Variants in ICA1L observed in about 807,000 individuals in gnomAD.
The protein encoded by ICA1L is islet cell autoantigen 1-like protein.
A neutral mutation model predicts 61.3 loss-of-function variants in ICA1L; 50 were observed. That is an observed-to-expected ratio of 0.82 (90% CI 0.65 to 1.03). The LOEUF (loss-of-function observed/expected upper bound fraction) is 1.03, where lower values mean the gene tolerates loss of function less well. ICA1L is among the 50% of genes least tolerant of loss of function. ICA1L has a pLI of 0.00. For synonymous variants in ICA1L, 161 were observed against 191.3 expected (o/e 0.84, Z 1.31); for missense variants, 508 against 556.7 (o/e 0.91, Z 0.88).
intron 1 of ICA1L, among the ~76,000 whole-genome samples, chr2:202,857,250 A>G (rs911983732): frequency 6.6e-6 from 1 of 152,214 alleles, no homozygotes; most frequent in Non-Finnish European, 1.5e-5. Flanking sequence ...GTCTACAGTA[A>G]CCAAAACAGC....
At chr2:202,813,502 G>T (rs1693439384) in intron 8 of ICA1L, among the ~76,000 whole-genome samples, 1 of 152,012 alleles carries the variant, frequency 6.6e-6, no homozygotes, top group African/African-American at 2.4e-5. Context: ...TCTGCAGGTT[G>T]GGAAGTTCAA....
Position 202,779,248 on chromosome 2 carries a change from C to T in ICA1L, c.*285G>A. On this transcript the variant is annotated 3_prime_UTR_variant, in exon 13 of 13. Coordinates refer to ENST00000358299, the MANE Select transcript of ICA1L (RefSeq NM_001288622.3). ...GAATTATTCCTAGCCGTTATTTTGA[C>T]ATAAATTTCAGTATCTAAATATCGC... The T allele has an allele frequency of 3.3e-6, 1 of 301,902 alleles. No individual in the cohort carries two copies. The highest frequency in any genetic ancestry group is 6.0e-6 in the Non-Finnish European group (1 of 165,788). 18.7% of individuals were successfully genotyped at this position (301,902 alleles called of 1,614,324 possible).
chr2:202,813,925 C>T (rs1559135789), intron 8 of ICA1L, among the ~76,000 whole-genome samples: 1 of 152,164 alleles, frequency 6.6e-6, no homozygotes. Context: ...TTTCTTCTCT[C>T]TAGCTACCCA....
chr2:202,816,209 G>T (rs750779025), intron 6 of ICA1L, among the ~76,000 whole-genome samples, 200 bp from the exon 7 acceptor site: 26 of 152,304 alleles, frequency 1.7e-4, no homozygotes, highest in African/African-American at 6.3e-4. Context: ...GTGTCTGCAC[G>T]TGTGGGAGTT....
At chr2:202,786,676 C>G in intron 11 of ICA1L, 1 of 452,542 alleles carries the variant, frequency 2.2e-6, no homozygotes. Context: ...ATGCTCATAC[C>G]CTTGGACTCA....
chr2:202,848,482 A>C (rs1291538428), intron 1 of ICA1L, among the ~76,000 whole-genome samples: 1 of 152,204 alleles, frequency 6.6e-6, no homozygotes. Context: ...ATCTGAGCTG[A>C]CTGGCAAACT....
At chr2:202,781,611 C>T (rs1278409109) in intron 12 of ICA1L, among the ~76,000 whole-genome samples, 2 of 151,866 alleles carry the variant, frequency 1.3e-5, no homozygotes, top group Non-Finnish European at 2.9e-5. Context: ...CTGAAGCTCC[C>T]CTCATGCCTG....
intron 1 of ICA1L, among the ~76,000 whole-genome samples, chr2:202,852,610 C>T (rs1195490559): frequency 7.4e-6 from 1 of 135,676 alleles, no homozygotes; most frequent in Non-Finnish European, 1.5e-5. Context: ...GCAGAGCTTG[C>T]AGTGAGCCGA....
chr2:202,800,353 A>G (rs1693057546), intron 9 of ICA1L, among the ~76,000 whole-genome samples: 1 of 152,182 alleles, frequency 6.6e-6, no homozygotes, highest in Non-Finnish European at 1.5e-5. Context: ...GTGTTTTTAA[A>G]TGTTTTAAAC....
chr2:202,824,172 G>A (rs1275448222), intron 3 of ICA1L, among the ~76,000 whole-genome samples: 1 of 152,160 alleles, frequency 6.6e-6, no homozygotes, highest in African/African-American at 2.4e-5. Context: ...GGAGGCTGAG[G>A]TGGGTGGATC....
chr2:202,839,555 A>AGTGTGTGTGTGTGT (rs1694257699), intron 1 of ICA1L, among the ~76,000 whole-genome samples: 1 of 73,786 alleles, frequency 1.4e-5, no homozygotes, highest in African/African-American at 7.6e-5. Flanking sequence ...CATACAGTTA[A>AGTGTGTGTGTGTGT]GTCTGTGTGT....
In ICA1L at chr2:202,825,695, C is replaced by T. The variant is rs1219184655; in HGVS notation, c.235G>A (p.Val79Ile). 4.8e-6 allele frequency: 7 copies of T among 1,470,598 alleles called. No individual in the cohort carries two copies. Among genetic ancestry groups the T allele is most frequent in the Non-Finnish European group, 6.6e-6 (7 of 1,055,996 alleles). 91.1% of individuals were successfully genotyped at this position (1,470,598 alleles called of 1,614,324 possible). A position where few individuals can be genotyped will look rare whatever the true frequency, so the allele number is the denominator to read the frequency against. Reference protein sequence around the residue: ...IIEKYQLRLNVISEEENELGL... With the variant: ...IIEKYQLRLNIISEEENELGL... ...CAGATAGATAACTATGATTTCATAC[C>T]ATTGAGTCTTAGCTGGTATTTCTCG... The change falls in exon 3 of 13, where the codon GTT becomes ATT. Residue 79 changes from valine (V) to isoleucine (I), a missense_variant and splice_region_variant. Val to Ile is a conservative substitution (Grantham distance 29). Transcript: ENST00000358299.
intron 1 of ICA1L, among the ~76,000 whole-genome samples, chr2:202,845,719 T>G: frequency 6.6e-6 from 1 of 152,124 alleles, no homozygotes; most frequent in South Asian, 2.1e-4. Context: ...AAATCTTAAG[T>G]AAAATAAAAC....
chr2:202,778,101 C>CCAT lies in ICA1L; in HGVS notation c.*1429_*1431dup, dbSNP rs1328816331. ...TTCACCATGTTAGCCAGGATGGTCTCCATCTCCTGACCTCGTGATCCGCCT... is the reference window on the plus strand; with the variant it reads ...TTCACCATGTTAGCCAGGATGGTCTCCATCATCTCCTGACCTCGTGATCCGCCT... On this transcript the variant is annotated 3_prime_UTR_variant, in exon 13 of 13. Coordinates refer to ENST00000358299, the MANE Select transcript of ICA1L (RefSeq NM_001288622.3). 6.6e-6 allele frequency: 1 copy of CCAT among 151,918 alleles called. No individual in the cohort carries two copies. Among genetic ancestry groups the CCAT allele is most frequent in the African/African-American group, 2.4e-5 (1 of 41,316 alleles). The allele number at this position is 151,918 out of a possible 1,614,324, so 9.4% of individuals were successfully genotyped here. A position where few individuals can be genotyped will look rare whatever the true frequency, so the allele number is the denominator to read the frequency against.
intron 9 of ICA1L, among the ~76,000 whole-genome samples, chr2:202,799,688 CT>C (rs1057071731): frequency 1.3e-5 from 2 of 151,920 alleles, no homozygotes; most frequent in Non-Finnish European, 2.9e-5. Context: ...AATTTTTTGC[CT>C]AGAAAAACAT....
chr2:202,795,854 C>A (rs1004265311), intron 10 of ICA1L, among the ~76,000 whole-genome samples: 1 of 151,784 alleles, frequency 6.6e-6, no homozygotes, highest in African/African-American at 2.4e-5. Context: ...GCCAGCCTGG[C>A]CACATGATGA....
chr2:202,848,773 A>G (rs1244454957), intron 1 of ICA1L, among the ~76,000 whole-genome samples: 3 of 152,202 alleles, frequency 2.0e-5, no homozygotes, highest in African/African-American at 7.2e-5. Flanking sequence ...GCACCGCATA[A>G]TGACATTTTA....
rs575648266 is a variant in ICA1L at position 202,795,730 on chromosome 2, C to G, written c.985+1160G>C. 3.3e-5 allele frequency among the ~76,000 whole-genome samples: 5 copies of G among 152,052 alleles called. 1 individual carries two copies. The South Asian group carries it at 1.0e-3, about 32-fold the overall frequency. Reference sequence around the variant, plus strand: ...ACAAGATGTTATCTCAATACTAGGACAAAGATGGCATTTTAAAAAATTATA... The same window carrying G: ...ACAAGATGTTATCTCAATACTAGGAGAAAGATGGCATTTTAAAAAATTATA... On this transcript the variant is annotated intron_variant, in intron 10 of 12. Coordinates refer to ENST00000358299, the MANE Select transcript of ICA1L (RefSeq NM_001288622.3).
intron 4 of ICA1L, 52 bp from the exon 5 acceptor site, chr2:202,819,951 A>G: frequency 1.5e-6 from 2 of 1,356,466 alleles, no homozygotes; most frequent in Non-Finnish European, 2.1e-6. Context: ...TAAGTAAAAC[A>G]AAACAAAGGT....
Sources: gnomAD v4.1 joint callset for allele counts (sites outside exome capture counted in the v4.1 genomes callset) on GRCh38, gnomAD v4.1.1 for gene constraint, MANE v1.5 for transcripts, NCBI Gene and HGNC (gene_info 2026-07-23, HGNC 2026-07-21) for gene names.